The following DPH1 variants were observed in gnomAD, a reference collection of about 807,000 sequenced individuals.
The protein encoded by DPH1 is diphthamide biosynthesis 1.
In DPH1, 59 loss-of-function variants were observed where a neutral mutation model predicts 55.3. The ratio of observed to expected loss-of-function variants is 1.07; its 90% CI spans 0.87 to 1.33. The LOEUF (loss-of-function observed/expected upper bound fraction) is 1.33, where lower values mean the gene tolerates loss of function less well. Among genes scored for constraint, DPH1 ranks in the 40% most tolerant of loss-of-function variants. DPH1 has a pLI of 0.00. For synonymous variants in DPH1, 238 were observed against 235.5 expected, an observed-to-expected ratio of 1.01 and a Z score of -0.10; for missense variants, 628 against 584.8, an observed-to-expected ratio of 1.07 and a Z score of -0.76.
rs760522373 is a variant in DPH1, at chr17:2,033,792, G to C, written c.228G>C (p.Met76Ile). The C allele has an allele frequency of 1.9e-6, 3 of 1,614,192 alleles. No homozygotes were observed. The African/African-American group carries it at 4.0e-5, about 22-fold the overall frequency. Residue 76 changes from methionine (M) to isoleucine (I), a missense_variant, in exon 3 of 13, where the codon ATG becomes ATC. By Grantham distance (10) the Met-to-Ile change is conservative (BLOSUM62 1). Coordinates refer to ENST00000263083, the MANE Select transcript of DPH1 (RefSeq NM_001383.6). ...CTCGTCTTGCAGTGGCCTTGCAAAT[G>C]CCGGAAGGCCTCCTCCTCTTTGCCT... is the stretch of plus-strand genomic sequence containing the variant. ...QAQAKKVALQMPEGLLLFACT... is the reference protein window; with the variant it reads ...QAQAKKVALQIPEGLLLFACT...
upstream of DPH1, chr17:2,030,148 G>T (rs1254493369): frequency 6.3e-7 from 1 of 1,598,542 alleles, no homozygotes; most frequent in Non-Finnish European, 8.5e-7. Flanking sequence ...TGTCTTTTTA[G>T]TACCACATGC....
Position 2,036,170 on chromosome 17 carries a change from T to A in DPH1, c.400+79T>A. 3.8e-6 allele frequency: 6 copies of A among 1,571,768 alleles called. No homozygotes were observed. Among genetic ancestry groups the A allele is most frequent in the Non-Finnish European group, 5.2e-6 (6 of 1,158,608 alleles). ...TGCACATTCATCTTCCCCATGGCAG[T>A]GCCTTCTTGTCCTGCTTGGAGACAC... is the stretch of plus-strand genomic sequence containing the variant. On this transcript the variant is annotated intron_variant, in intron 4 of 12. Coordinates refer to ENST00000263083, the MANE Select transcript of DPH1 (RefSeq NM_001383.6). The surrounding 1 kb of genome is among the most constrained non-coding windows in gnomAD (Gnocchi z 4.8).
rs1231215503 is a variant in DPH1 at position 2,043,289 on chromosome 17, C to CACAAGGCCTTAATGG, written c.*707_*721dup. The CACAAGGCCTTAATGG allele has an allele frequency of 2.6e-5, 18 of 695,448 alleles. No homozygotes were observed. In the African/African-American group the frequency reaches 3.0e-4, roughly 12 times the overall value. 43.1% of individuals were successfully genotyped at this position (695,448 alleles called of 1,614,324 possible). The stretch of plus-strand genomic sequence containing the variant: ...TGCCCTGTACTGAAGAAAAGGGGAG[C>CACAAGGCCTTAATGG]ACAAGGCCTTAATGGACATTGACTT... On this transcript the variant is annotated 3_prime_UTR_variant, in exon 13 of 13. Transcript: ENST00000263083.
At chr17:2,041,035 G>T in intron 9 of DPH1, 68 bp from the exon 10 acceptor site, 1 of 1,482,308 alleles carries the variant, frequency 6.7e-7, no homozygotes, top group South Asian at 1.2e-5. Context: ...GCACTGTCAT[G>T]TTCTTCAGCA....
chr17:2,036,338 C>G lies in DPH1; in HGVS notation c.401-191C>G. On this transcript the variant is annotated intron_variant, in intron 4 of 12. Coordinates refer to ENST00000263083, the MANE Select transcript of DPH1 (RefSeq NM_001383.6). This position sits in a 1 kb window ranked among gnomAD's most constrained non-coding sequence, Gnocchi z 4.8. ...CTGTTGGTTGTAGAGCAGGCTGGGC[C>G]CCGGCCGGGTGACAGAGAAGTCTGA... 1 of 1,042,374 alleles carries G rather than the reference C, an allele frequency of 9.6e-7. No homozygotes were observed. Among genetic ancestry groups the G allele is most frequent in the Non-Finnish European group, 1.4e-6 (1 of 736,240 alleles). The allele number at this position is 1,042,374 out of a possible 1,614,324, so 64.6% of individuals were successfully genotyped here.
chr17:2,042,234 G>T, intron 12 of DPH1: 1 of 1,421,628 alleles, frequency 7.0e-7, no homozygotes, highest in Non-Finnish European at 9.1e-7. Flanking sequence ...AGACTTCGGT[G>T]AGACAAGCCC....
chr17:2,036,202 C>T lies in DPH1; in HGVS notation c.400+111C>T. ...TTGTCCTGCTTGGAGACACAAGGTC[C>T]CTCCTGGTTTCTGGGGTGGCCTCTG... On this transcript the variant is annotated intron_variant, in intron 4 of 12. Coordinates refer to ENST00000263083, the MANE Select transcript of DPH1 (RefSeq NM_001383.6). The surrounding 1 kb of genome is among the most constrained non-coding windows in gnomAD (Gnocchi z 4.8). 6.7e-7 allele frequency: 1 copy of T among 1,495,806 alleles called. No homozygotes were observed. The highest frequency in any genetic ancestry group is 1.3e-5 in the South Asian group (1 of 76,538). 92.7% of individuals were successfully genotyped at this position (1,495,806 alleles called of 1,614,324 possible).
At chr17:2,039,628 C>G in intron 6 of DPH1, 127 bp from the exon 7 acceptor site, 1 of 1,067,464 alleles carries the variant, frequency 9.4e-7, no homozygotes, top group South Asian at 1.3e-5. Flanking sequence ...CCGCCCGCCT[C>G]GGTCTCCCAA....
chr17:2,041,334 A>C, intron 10 of DPH1, 147 bp from the exon 11 acceptor site: 1 of 1,447,686 alleles, frequency 6.9e-7, no homozygotes, highest in African/African-American at 1.4e-5. Flanking sequence ...CTAGCTGTGT[A>C]GCCTTAGGCA....
chr17:2,038,239 C>T (rs546434070), intron 6 of DPH1, among the ~76,000 whole-genome samples: 2 of 151,556 alleles, frequency 1.3e-5, no homozygotes, highest in East Asian at 3.9e-4. Context: ...GTGAGAGGAT[C>T]GCTTGAGCCT....
At chr17:2,035,930 T>C (rs1291592496) in intron 3 of DPH1, 40 bp from the exon 4 acceptor site, 1 of 1,612,688 alleles carries the variant, frequency 6.2e-7, no homozygotes, top group African/African-American at 1.3e-5. Flanking sequence ...CCTCAGTCCC[T>C]GTGTCCCTGT....
At position 2,042,678 on chromosome 17, in the gene DPH1, G is replaced by A; in HGVS notation, c.*92G>A. On this transcript the variant is annotated 3_prime_UTR_variant, in exon 13 of 13. Transcript: ENST00000263083. Reference sequence around the variant, plus strand: ...AGGAGGCCGACGTTTTCTCCGCATTGGAAGAGCCCGCCGTCTGCAGGGGCC... The same window carrying A: ...AGGAGGCCGACGTTTTCTCCGCATTAGAAGAGCCCGCCGTCTGCAGGGGCC... 5 of 1,527,048 alleles carry A rather than the reference G, an allele frequency of 3.3e-6. No homozygotes were observed. The highest frequency in any genetic ancestry group is 4.4e-6 in the Non-Finnish European group (5 of 1,140,734). The allele number at this position is 1,527,048 out of a possible 1,614,324, so 94.6% of individuals were successfully genotyped here.
chr17:2,041,278 T>G (rs1222804943), intron 10 of DPH1, 97 bp downstream of exon 10: 3 of 1,495,876 alleles, frequency 2.0e-6, no homozygotes, highest in Non-Finnish European at 2.7e-6. Flanking sequence ...TTCGTTATGT[T>G]CGTAGATTCC....
chr17:2,030,272 G>A, intron 1 of DPH1, 42 bp downstream of exon 1: 3 of 1,538,320 alleles, frequency 2.0e-6, no homozygotes, highest in Non-Finnish European at 2.6e-6. Context: ...TCGCATCTCG[G>A]GGCGGGGCCC....
chr17:2,033,595 C>A lies in DPH1; in HGVS notation c.152C>A (p.Ser51Tyr). 1 of 1,614,228 alleles carries A rather than the reference C, an allele frequency of 6.2e-7. No homozygotes were observed. The highest frequency in any genetic ancestry group is 2.2e-5 in the East Asian group (1 of 44,890). Residue 51 changes from serine (S) to tyrosine (Y), a missense_variant, in exon 2 of 13, where the codon TCC (serine) becomes TAC (tyrosine). Ser to Tyr is a moderately radical substitution (Grantham distance 144). Coordinates refer to ENST00000263083, the MANE Select transcript of DPH1 (RefSeq NM_001383.6). ...QLQAAIRVLP[S>Y]NYNFEIPKTI... ...CAGGCAGCAATCCGGGTCCTGCCTT[C>A]CAACTACAACTTTGAGATCCCCAAG...
At chr17:2,040,699 C>G in intron 9 of DPH1, 94 bp downstream of exon 9, 1 of 1,407,778 alleles carries the variant, frequency 7.1e-7, no homozygotes, top group Non-Finnish European at 1.0e-6. Context: ...GGAATTGCTT[C>G]CATGGTCATG....
rs776753588 is a variant in DPH1, at chr17:2,042,072, G to T, written c.*18+197G>T. ...AATGGCCGCGCAGCGACCCCTGCGG[G>T]TCCTGTGCCTGGCGGGCTTCCGGCA... On this transcript the variant is annotated intron_variant, in intron 12 of 12. Coordinates refer to ENST00000263083, the MANE Select transcript of DPH1 (RefSeq NM_001383.6). 1.3e-5 allele frequency: 20 copies of T among 1,559,964 alleles called. No individual in the cohort carries two copies. In the Admixed American group the frequency reaches 1.3e-4, roughly 10 times the overall value.
chr17:2,041,515 A>T lies in DPH1; in HGVS notation c.1121A>T (p.Gln374Leu), dbSNP rs776656445. The change falls in exon 11 of 13, where the codon CAG becomes CTG. Residue 374 changes from glutamine (Q) to leucine (L), a missense_variant. Transcript: ENST00000263083. ...GCTCTGAGGGACATTTCCTGGCAGCAGCCCTACCCGATGGACTTCTACGCT... is the reference window on the plus strand; with the variant it reads ...GCTCTGAGGGACATTTCCTGGCAGCTGCCCTACCCGATGGACTTCTACGCT... ...AVALRDISWQ[Q>L]PYPMDFYAGS... 1 of 1,612,180 alleles carries T rather than the reference A, an allele frequency of 6.2e-7. No individual in the cohort carries two copies. Among genetic ancestry groups the T allele is most frequent in the Non-Finnish European group, 8.5e-7 (1 of 1,179,404 alleles).
Position 2,042,862 on chromosome 17 carries a change from G to T in DPH1, c.*276G>T, listed in dbSNP as rs766365678. The T allele has an allele frequency of 9.9e-6, 16 of 1,614,182 alleles. No individual in the cohort carries two copies. The highest frequency in any genetic ancestry group is 1.3e-5 in the Non-Finnish European group (15 of 1,180,030). On this transcript the variant is annotated 3_prime_UTR_variant, in exon 13 of 13. Coordinates refer to ENST00000263083, the MANE Select transcript of DPH1 (RefSeq NM_001383.6). ...CCCCTTGCCACGGTTTATCCTCTTG[G>T]TGTCTGGTTTCTGTCCCCGGGGCAT...
Sources: allele counts gnomAD v4.1 joint callset (sites outside exome capture counted in the v4.1 genomes callset), GRCh38; gene constraint gnomAD v4.1.1; non-coding constraint Gnocchi (gnomAD v3.1); transcripts MANE v1.5; gene names NCBI Gene and HGNC (gene_info 2026-07-23, HGNC 2026-07-21).